Variants in TPT1 observed in about 807,000 individuals in gnomAD.
The protein encoded by TPT1 is tumor protein, translationally-controlled 1.
TPT1 carries 5 observed loss-of-function variants against 22.8 expected under a neutral mutation model. That is an observed-to-expected ratio of 0.22 (90% CI 0.11 to 0.46). TPT1 has a LOEUF of 0.46. TPT1 is among the 20% of genes least tolerant of loss of function. The pLI is 0.99. For synonymous variants in TPT1, 89 were observed against 73.6 expected, an observed-to-expected ratio of 1.21 and a Z score of -1.07; for missense variants, 130 against 218.7, an observed-to-expected ratio of 0.59 and a Z score of 2.56.
At position 45,339,484 on chromosome 13, in the gene TPT1, T is replaced by G; in HGVS notation, c.399+13A>C. The G allele has an allele frequency of 6.2e-7, 1 of 1,604,826 alleles. No individual in the cohort carries two copies. ...TTGTACAATCCTTTGATCCAGATAC[T>G]TAAGGTATTTACCTGGTAGTTTTTG... On this transcript the variant is annotated intron_variant, in intron 4 of 5. Transcript: ENST00000530705.
At position 45,335,206 on chromosome 13, in the gene TPT1, GAGA is replaced by G. The variant is rs1322923501; in HGVS notation, c.*2177_*2179del. 2 of 152,176 alleles carry G rather than the reference GAGA, an allele frequency of 1.3e-5. No homozygotes were observed. Among genetic ancestry groups the G allele is most frequent in the African/African-American group, 4.8e-5 (2 of 41,442 alleles). The allele number at this position is 152,176 out of a possible 1,614,324, so 9.4% of individuals were successfully genotyped here. ...TAAAATGAGACAGTCTTCAAAGTCT[GAGA>G]AGATTCTACCTGGAATCTTCAAAGG... On this transcript the variant is annotated 3_prime_UTR_variant, in exon 6 of 6. Coordinates refer to ENST00000530705, the MANE Select transcript of TPT1 (RefSeq NM_003295.4).
At chr13:45,337,782 T>C (rs1279787288) in intron 5 of TPT1, among the ~76,000 whole-genome samples, 1 of 152,224 alleles carries the variant, frequency 6.6e-6, no homozygotes, top group Non-Finnish European at 1.5e-5. Flanking sequence ...TCTTGTTCAG[T>C]ATAGCTTTAT....
In TPT1 at chr13:45,337,141, T is replaced by C; in HGVS notation, c.*245A>G. 1 of 568,084 alleles carries C rather than the reference T, an allele frequency of 1.8e-6. No homozygotes were observed. The highest frequency in any genetic ancestry group is 3.0e-5 in the East Asian group (1 of 33,776). The allele number at this position is 568,084 out of a possible 1,614,324, so 35.2% of individuals were successfully genotyped here. A position where few individuals can be genotyped will look rare whatever the true frequency, so the allele number is the denominator to read the frequency against. On this transcript the variant is annotated 3_prime_UTR_variant, in exon 6 of 6. Coordinates refer to ENST00000530705, the MANE Select transcript of TPT1 (RefSeq NM_003295.4). ...AGGAACACTACAGGATCAATTTAGT[T>C]TAAATATGCATTAAACTAAAAGGCA...
Position 45,338,651 on chromosome 13 carries a change from T to G in TPT1, c.516+9A>C. The G allele has an allele frequency of 1.2e-6, 2 of 1,611,466 alleles. No individual in the cohort carries two copies. The highest frequency in any genetic ancestry group is 1.7e-5 in the Admixed American group (1 of 59,244). On this transcript the variant is annotated intron_variant, in intron 5 of 5. Transcript: ENST00000530705. ...CATTATTTATTTTAACCCACTTCCT[T>G]GTACTTACACATTTTTCCATTTCTA...
In TPT1 at chr13:45,336,582, G is replaced by T. The variant is rs1216143428; in HGVS notation, c.*804C>A. On this transcript the variant is annotated 3_prime_UTR_variant, in exon 6 of 6. Transcript: ENST00000530705. ...CTGGCAAACTTGCAGGCTCTAGTCTGTTAGACACAACTCTGCTCATGCACT... is the reference window on the plus strand; with the variant it reads ...CTGGCAAACTTGCAGGCTCTAGTCTTTTAGACACAACTCTGCTCATGCACT... 6.6e-6 allele frequency: 1 copy of T among 152,194 alleles called. No individual in the cohort carries two copies. The highest frequency in any genetic ancestry group is 1.5e-5 in the Non-Finnish European group (1 of 68,044). 9.4% of individuals were successfully genotyped at this position (152,194 alleles called of 1,614,324 possible). A position where few individuals can be genotyped will look rare whatever the true frequency, so the allele number is the denominator to read the frequency against.
chr13:45,335,456 C>A lies in TPT1; in HGVS notation c.*1930G>T, dbSNP rs1480900970. ...TGAATTGCTACTTGTCTGTTTCAGG[C>A]TTCCAAGGCTAGTTCACCAATTAGC... On this transcript the variant is annotated 3_prime_UTR_variant, in exon 6 of 6. Transcript: ENST00000530705. 3 of 152,216 alleles carry A rather than the reference C, an allele frequency of 2.0e-5. No homozygotes were observed. Among genetic ancestry groups the A allele is most frequent in the Non-Finnish European group, 4.4e-5 (3 of 68,048 alleles). The allele number at this position is 152,216 out of a possible 1,614,324, so 9.4% of individuals were successfully genotyped here. A position where few individuals can be genotyped will look rare whatever the true frequency, so the allele number is the denominator to read the frequency against.
Position 45,337,165 on chromosome 13 carries a change from C to T in TPT1, c.*221G>A, listed in dbSNP as rs920707766. 4 of 597,622 alleles carry T rather than the reference C, an allele frequency of 6.7e-6. No individual in the cohort carries two copies. The highest frequency in any genetic ancestry group is 1.9e-5 in the African/African-American group (1 of 53,644). 37.0% of individuals were successfully genotyped at this position (597,622 alleles called of 1,614,324 possible). A position where few individuals can be genotyped will look rare whatever the true frequency, so the allele number is the denominator to read the frequency against. On this transcript the variant is annotated 3_prime_UTR_variant, in exon 6 of 6. Transcript: ENST00000530705. ...TTTAAATATGCATTAAACTAAAAGG[C>T]ATTCTCTCAAATGAGTTTAAATGCA...
At chr13:45,339,422 A>G (rs761984720) in intron 4 of TPT1, 75 bp downstream of exon 4, 6 of 1,337,796 alleles carry the variant, frequency 4.5e-6, no homozygotes, top group African/African-American at 1.5e-5. Context: ...ATAGAATTGA[A>G]GATTAATCAA....
chr13:45,333,788 GTAGTC>G lies in TPT1; in HGVS notation c.*3593_*3597del, dbSNP rs1878515032. The G allele has an allele frequency of 6.6e-6, 1 of 152,076 alleles. No homozygotes were observed. The highest frequency in any genetic ancestry group is 6.6e-5 in the Admixed American group (1 of 15,262). The allele number at this position is 152,076 out of a possible 1,614,324, so 9.4% of individuals were successfully genotyped here. A position where few individuals can be genotyped will look rare whatever the true frequency, so the allele number is the denominator to read the frequency against. On this transcript the variant is annotated 3_prime_UTR_variant, in exon 6 of 6. Coordinates refer to ENST00000530705, the MANE Select transcript of TPT1 (RefSeq NM_003295.4). ...CCTTTCCCACTAGTGAAATCCAACGGTAGTCAAGTTTACCACTATCAGGCCTCATA... is the reference window on the plus strand; with the variant it reads ...CCTTTCCCACTAGTGAAATCCAACGGAAGTTTACCACTATCAGGCCTCATA...
chr13:45,336,960 C>T lies in TPT1; in HGVS notation c.*426G>A, dbSNP rs77032239. 155 of 184,354 alleles carry T rather than the reference C, an allele frequency of 8.4e-4. 3 individuals carry two copies. In the East Asian group the frequency reaches 0.02, roughly 24 times the overall value. 11.4% of individuals were successfully genotyped at this position (184,354 alleles called of 1,614,324 possible). ...GTGATGAAATGGGTAAGGCTCCACA[C>T]TTCAGATGTTGGCACTGCTATGAGC... On this transcript the variant is annotated 3_prime_UTR_variant, in exon 6 of 6. Transcript: ENST00000530705.
chr13:45,338,460 C>A, intron 5 of TPT1, 200 bp downstream of exon 5: 1 of 1,121,406 alleles, frequency 8.9e-7, no homozygotes, highest in Non-Finnish European at 1.2e-6. Flanking sequence ...TCAACGTTTT[C>A]CACAAATAAG....
chr13:45,339,320 A>G, intron 4 of TPT1, 177 bp downstream of exon 4: 2 of 497,100 alleles, frequency 4.0e-6, no homozygotes, highest in Non-Finnish European at 7.0e-6. Flanking sequence ...AAACTGAGAA[A>G]TGTCATCTGG....
chr13:45,340,989 C>T (rs1879087497), intron 1 of TPT1, 53 bp downstream of exon 1: 1 of 1,587,240 alleles, frequency 6.3e-7, no homozygotes, highest in Non-Finnish European at 8.6e-7. Context: ...CCGCCCCCAC[C>T]CGCACCCCAG....
intron 4 of TPT1, 182 bp downstream of exon 4, chr13:45,339,313 CTG>C: frequency 2.1e-6 from 1 of 487,218 alleles, no homozygotes; most frequent in Non-Finnish European, 3.6e-6. Flanking sequence ...AAAAGAAAAA[CTG>C]AGAAATGTCA....
intron 4 of TPT1, 63 bp downstream of exon 4, chr13:45,339,434 T>C: frequency 1.4e-6 from 2 of 1,457,650 alleles, no homozygotes; most frequent in South Asian, 1.2e-5. Context: ...ATTAATCAAC[T>C]TAATTTTTGC....
At chr13:45,340,378 C>A in intron 2 of TPT1, 194 bp from the exon 3 acceptor site, 3 of 879,056 alleles carry the variant, frequency 3.4e-6, no homozygotes, top group South Asian at 1.4e-5. Context: ...TTGGCCGGAA[C>A]AAAAAATGGG....
At chr13:45,339,386 CCACTTTCTA>C (rs1878927089) in intron 4 of TPT1, 102 bp downstream of exon 4, 3 of 879,532 alleles carry the variant, frequency 3.4e-6, no homozygotes, top group Non-Finnish European at 5.0e-6. Context: ...GCTGGGAAAG[CCACTTTCTA>C]CACCTGGAAT....
At chr13:45,340,836 C>T in intron 1 of TPT1, 51 bp from the exon 2 acceptor site, 3 of 1,488,412 alleles carry the variant, frequency 2.0e-6, no homozygotes, top group African/African-American at 2.8e-5. Context: ...GCCGCCATTT[C>T]CCGCATTTCC....
rs1461583844 is a variant in TPT1 at position 45,334,909 on chromosome 13, C to T, written c.*2477G>A. On this transcript the variant is annotated 3_prime_UTR_variant, in exon 6 of 6. Coordinates refer to ENST00000530705, the MANE Select transcript of TPT1 (RefSeq NM_003295.4). ...CACACTCCAGACTAACTGCTGTTGT[C>T]TTGGCCTGGAATGGTTTGTCCTGAT... The T allele has an allele frequency of 6.6e-6, 1 of 152,182 alleles. No individual in the cohort carries two copies. The highest frequency in any genetic ancestry group is 1.5e-5 in the Non-Finnish European group (1 of 68,038). The allele number at this position is 152,182 out of a possible 1,614,324, so 9.4% of individuals were successfully genotyped here.
Sources: gnomAD v4.1 joint callset for allele counts (sites outside exome capture counted in the v4.1 genomes callset) on GRCh38, gnomAD v4.1.1 for gene constraint, MANE v1.5 for transcripts, NCBI Gene and HGNC (gene_info 2026-07-23, HGNC 2026-07-21) for gene names.